Variants in SAMD12 observed in about 807,000 individuals in gnomAD.
The protein encoded by SAMD12 is sterile alpha motif domain-containing protein 12.
SAMD12 carries 9 observed loss-of-function variants against 15.0 expected under a neutral mutation model. The observed-to-expected ratio is 0.60, with a 90% CI of 0.36 to 1.05. The LOEUF is 1.05. Among genes scored for constraint, SAMD12 ranks in the 50% least tolerant of loss-of-function variants. SAMD12 has a pLI of 0.01. For synonymous variants in SAMD12, 86 were observed against 90.1 expected (o/e 0.96, Z 0.25); for missense variants, 230 against 234.2 (o/e 0.98, Z 0.12).
intron 2 of SAMD12, among the ~76,000 whole-genome samples, chr8:118,466,169 A>G (rs1242862019): frequency 6.6e-6 from 1 of 152,208 alleles, no homozygotes; most frequent in Non-Finnish European, 1.5e-5. Flanking sequence ...TGGGCAATGT[A>G]AAAGAGAAAA....
intron 1 of SAMD12, among the ~76,000 whole-genome samples, chr8:118,618,054 A>C: frequency 6.6e-6 from 1 of 151,130 alleles, no homozygotes. Context: ...AAAAAAGGCA[A>C]TGTATGCCAG....
chr8:118,248,641 T>A (rs79474862), intron 4 of SAMD12, among the ~76,000 whole-genome samples: 1 of 151,866 alleles, frequency 6.6e-6, no homozygotes, highest in Non-Finnish European at 1.5e-5. Flanking sequence ...CTTTTTTTTT[T>A]ATACATCAGA....
chr8:118,505,544 G>A (rs1401430952), intron 2 of SAMD12, among the ~76,000 whole-genome samples: 1 of 151,964 alleles, frequency 6.6e-6, no homozygotes, highest in Non-Finnish European at 1.5e-5. Context: ...CTTCTGACTT[G>A]ACATGCAAAT....
chr8:118,393,283 T>G (rs2515063), intron 3 of SAMD12, among the ~76,000 whole-genome samples: 118,841 of 152,056 alleles, frequency 0.78, 47,458 homozygotes, highest in African/African-American at 0.93. Flanking sequence ...TGTGATCATG[T>G]CTCACCACGG....
At chr8:118,619,952 A>G (rs1828349169) in intron 1 of SAMD12, among the ~76,000 whole-genome samples, 1 of 152,202 alleles carries the variant, frequency 6.6e-6, no homozygotes, top group Admixed American at 6.5e-5. Flanking sequence ...AAAGTTTAAA[A>G]TACTTCCTTC....
At chr8:118,360,339 C>T (rs1275403970) in intron 4 of SAMD12, among the ~76,000 whole-genome samples, 1 of 152,126 alleles carries the variant, frequency 6.6e-6, no homozygotes. Context: ...GACCAATCGA[C>T]TCCCAGTACA....
rs1279903629 is a variant in SAMD12 at position 118,570,965 on chromosome 8, TAC to T, written c.192+9748_192+9749del. Among the ~76,000 whole-genome samples the T allele has an allele frequency of 3.9e-5, 6 of 152,334 alleles. No individual in the cohort carries two copies. In the East Asian group the frequency reaches 1.2e-3, roughly 29 times the overall value. On this transcript the variant is annotated intron_variant, in intron 2 of 3. Coordinates refer to ENST00000314727, the MANE Select transcript of SAMD12 (RefSeq NM_207506.3). ...ATGTAAGACATGACTTGTTCCTCCT[TAC>T]CTTCCGCCATTATTGTGAGGCTTCC...
chr8:118,610,679 G>A (rs557533630), intron 1 of SAMD12, among the ~76,000 whole-genome samples: 2 of 152,164 alleles, frequency 1.3e-5, no homozygotes, highest in Admixed American at 6.5e-5. Flanking sequence ...AGCCAGATAC[G>A]GTTGTAGGCA....
intron 2 of SAMD12, among the ~76,000 whole-genome samples, chr8:118,504,241 C>A (rs1029467239): frequency 2.6e-5 from 4 of 152,242 alleles, no homozygotes; most frequent in African/African-American, 9.6e-5. Context: ...CAACTCCTCT[C>A]TGTGACTTCC....
At chr8:118,460,145 C>G (rs1341133506) in intron 2 of SAMD12, among the ~76,000 whole-genome samples, 1 of 152,196 alleles carries the variant, frequency 6.6e-6, no homozygotes, top group Non-Finnish European at 1.5e-5. Context: ...CACAAAGGAT[C>G]CATTCCCTCT....
intron 1 of SAMD12, among the ~76,000 whole-genome samples, chr8:118,589,646 T>C (rs1336716898): frequency 6.6e-6 from 1 of 152,204 alleles, no homozygotes; most frequent in Non-Finnish European, 1.5e-5. Context: ...AGTTCTATGA[T>C]GCTTTAGACA....
At chr8:118,337,042 A>T (rs1193802463) in intron 4 of SAMD12, among the ~76,000 whole-genome samples, 1 of 152,194 alleles carries the variant, frequency 6.6e-6, no homozygotes, top group African/African-American at 2.4e-5. Context: ...GGATAGCATT[A>T]GGAAATATAC....
intron 3 of SAMD12, among the ~76,000 whole-genome samples, chr8:118,436,782 T>C (rs1027068814): frequency 1.3e-5 from 2 of 152,210 alleles, no homozygotes; most frequent in South Asian, 2.1e-4. Flanking sequence ...ATTATGTGTA[T>C]TGTTTTGTTA....
chr8:118,611,263 A>G (rs955326066), intron 1 of SAMD12, among the ~76,000 whole-genome samples: 1 of 152,244 alleles, frequency 6.6e-6, no homozygotes, highest in Non-Finnish European at 1.5e-5. Context: ...TAGTTTATCC[A>G]GGCAGAATTA....
the SAMD12 span, among the ~76,000 whole-genome samples, chr8:118,177,487 T>C: frequency 6.6e-6 from 1 of 152,116 alleles, no homozygotes; most frequent in Non-Finnish European, 1.5e-5. Flanking sequence ...CAAGCAATTC[T>C]TGTGCCTCAG....
chr8:118,463,180 T>G (rs1282393905), intron 2 of SAMD12, among the ~76,000 whole-genome samples: 1 of 149,370 alleles, frequency 6.7e-6, no homozygotes, highest in African/African-American at 2.5e-5. Flanking sequence ...GGGGAATGGA[T>G]GGCTTCTTTC....
At chr8:118,137,143 C>CCT in the SAMD12 span, among the ~76,000 whole-genome samples, 1 of 152,194 alleles carries the variant, frequency 6.6e-6, no homozygotes, top group Non-Finnish European at 1.5e-5. Flanking sequence ...CCAAACACCC[C>CCT]CTAGTGGTTT....
chr8:118,179,305 C>T, the SAMD12 span, among the ~76,000 whole-genome samples: 1 of 151,874 alleles, frequency 6.6e-6, no homozygotes. Context: ...GGCGTGGTGG[C>T]GCATGCCTGT....
chr8:118,584,884 A>T (rs372652202), intron 1 of SAMD12, among the ~76,000 whole-genome samples: 10 of 152,028 alleles, frequency 6.6e-5, no homozygotes, highest in African/African-American at 2.4e-4. Context: ...AATTAAACAC[A>T]GAATTGTCAT....
Sources: gnomAD v4.1 joint callset for allele counts (sites outside exome capture counted in the v4.1 genomes callset) on GRCh38, gnomAD v4.1.1 for gene constraint, MANE v1.5 for transcripts, NCBI Gene and HGNC (gene_info 2026-07-23, HGNC 2026-07-21) for gene names.